Variants in MOCOS observed in about 807,000 individuals in gnomAD.
The protein encoded by MOCOS is human molybdenum cofactor sulfurase.
Under a neutral mutation model 83.6 loss-of-function variants are expected in MOCOS, and 86 were observed. The observed-to-expected ratio is 1.03, with a 90% CI of 0.86 to 1.23. The LOEUF is 1.23. Ranked by LOEUF, MOCOS falls within the 50% of genes most tolerant of loss-of-function variation. The pLI is 0.00. For synonymous variants in MOCOS, 445 were observed against 434.7 expected (o/e 1.02, Z -0.29); for missense variants, 1,120 against 1,126.9 (o/e 0.99, Z 0.09).
chr18:36,212,011 G>T (rs992008457), intron 6 of MOCOS, among the ~76,000 whole-genome samples: 2 of 152,218 alleles, frequency 1.3e-5, no homozygotes, highest in Non-Finnish European at 2.9e-5. Flanking sequence ...CTGCAAGGAT[G>T]CCAAGCCACA....
chr18:36,204,573 C>T (rs1598873647), intron 5 of MOCOS, among the ~76,000 whole-genome samples: 1 of 152,126 alleles, frequency 6.6e-6, no homozygotes, highest in South Asian at 2.1e-4. Context: ...TGGAAAAATT[C>T]TGTTGTTCAG....
chr18:36,224,316 C>T (rs900818983), intron 9 of MOCOS, among the ~76,000 whole-genome samples: 5 of 152,136 alleles, frequency 3.3e-5, no homozygotes, highest in African/African-American at 1.2e-4. Context: ...CTAGAACTTC[C>T]AGTACTATGT....
intron 7 of MOCOS, 136 bp from the exon 8 acceptor site, chr18:36,215,380 C>A: frequency 1.2e-6 from 1 of 834,824 alleles, no homozygotes; most frequent in Non-Finnish European, 2.0e-6. Flanking sequence ...GTCCCAGACG[C>A]ACAGCACATA....
intron 13 of MOCOS, among the ~76,000 whole-genome samples, chr18:36,264,837 T>C (rs1053705652): frequency 1.3e-5 from 2 of 152,074 alleles, no homozygotes; most frequent in African/African-American, 4.8e-5. Flanking sequence ...TTCTGAGGTG[T>C]GATTATTGCT....
intron 9 of MOCOS, among the ~76,000 whole-genome samples, chr18:36,233,724 T>G: frequency 6.6e-6 from 1 of 152,118 alleles, no homozygotes; most frequent in Non-Finnish European, 1.5e-5. Flanking sequence ...TAAATTATGG[T>G]CATTCTTGCA....
At chr18:36,188,651 GA>G (rs2091352318) in intron 1 of MOCOS, among the ~76,000 whole-genome samples, 1 of 152,232 alleles carries the variant, frequency 6.6e-6, no homozygotes, top group South Asian at 2.1e-4. Context: ...TCTGGGGGCA[GA>G]ACAGCAACCA....
chr18:36,256,808 T>C (rs1157357062), intron 11 of MOCOS, 160 bp from the exon 12 acceptor site: 6 of 697,630 alleles, frequency 8.6e-6, no homozygotes, highest in Non-Finnish European at 1.6e-5. Flanking sequence ...TATTGAGAGA[T>C]ATGCACCATG....
intron 7 of MOCOS, 143 bp downstream of exon 7, chr18:36,213,625 C>A: frequency 1.3e-6 from 1 of 774,386 alleles, no homozygotes; most frequent in Non-Finnish European, 2.2e-6. Flanking sequence ...AAAAGGAATA[C>A]AAATGGAAAA....
Position 36,230,780 on chromosome 18 carries a change from T to C in MOCOS, c.1960+10563T>C, listed in dbSNP as rs368275338. On this transcript the variant is annotated intron_variant, in intron 9 of 14. Coordinates refer to ENST00000261326, the MANE Select transcript of MOCOS (RefSeq NM_017947.4). ...GTATGGCACTGCACTGTGGGCCAGGTGTCTGTGGAGACGGTGCTGGAAATC... is the reference window on the plus strand; with the variant it reads ...GTATGGCACTGCACTGTGGGCCAGGCGTCTGTGGAGACGGTGCTGGAAATC... 7.2e-5 allele frequency among the ~76,000 whole-genome samples: 11 copies of C among 152,322 alleles called. No individual in the cohort carries two copies. In the East Asian group the frequency reaches 1.2e-3, roughly 16 times the overall value.
At chr18:36,229,201 T>A (rs1451056839) in intron 9 of MOCOS, among the ~76,000 whole-genome samples, 1 of 152,156 alleles carries the variant, frequency 6.6e-6, no homozygotes, top group Non-Finnish European at 1.5e-5. Context: ...TGTCCTATAG[T>A]TTCCACTTGA....
At chr18:36,214,149 G>C (rs2091466341) in intron 7 of MOCOS, among the ~76,000 whole-genome samples, 1 of 149,158 alleles carries the variant, frequency 6.7e-6, no homozygotes, top group Admixed American at 6.8e-5. Context: ...GCTGAGGCAG[G>C]AGAACTGCTT....
At chr18:36,211,207 T>C (rs1217699297) in intron 6 of MOCOS, among the ~76,000 whole-genome samples, 1 of 152,200 alleles carries the variant, frequency 6.6e-6, no homozygotes, top group Non-Finnish European at 1.5e-5. Flanking sequence ...GGCTGTCTCT[T>C]TTTCATCAGG....
chr18:36,260,565 G>C (rs989882190), intron 13 of MOCOS, among the ~76,000 whole-genome samples: 4 of 152,166 alleles, frequency 2.6e-5, no homozygotes, highest in African/African-American at 9.7e-5. Context: ...GCCTGGCGGT[G>C]CCTCTTTGCC....
At chr18:36,203,932 G>T (rs1469426494) in intron 5 of MOCOS, among the ~76,000 whole-genome samples, 3 of 152,102 alleles carry the variant, frequency 2.0e-5, no homozygotes, top group Non-Finnish European at 2.9e-5. Flanking sequence ...TATTAACAGG[G>T]CCCCCAAACT....
rs570653359 is a variant in MOCOS at position 36,267,996 on chromosome 18, C to T, written c.2515-537C>T. On this transcript the variant is annotated intron_variant, in intron 14 of 14. Transcript: ENST00000261326. ...TCACAAGAACTAACAGATCGGAGAG[C>T]ATGTCAAGTCCTCCAAAGGGTCCTG... Among the ~76,000 whole-genome samples, 103 of 152,302 alleles carry T rather than the reference C, an allele frequency of 6.8e-4. No homozygotes were observed. The Middle Eastern group carries it at 0.01, about 15-fold the overall frequency.
chr18:36,212,674 C>T (rs758810738), intron 6 of MOCOS, among the ~76,000 whole-genome samples: 20 of 152,182 alleles, frequency 1.3e-4, no homozygotes, highest in South Asian at 6.2e-4. Flanking sequence ...TGGGAGGCAT[C>T]GTTGCCCAGC....
intron 2 of MOCOS, among the ~76,000 whole-genome samples, chr18:36,197,316 C>T (rs2091392621): frequency 6.6e-6 from 1 of 152,158 alleles, no homozygotes. Flanking sequence ...ATACTGCATT[C>T]TCTGGAGTTA....
intron 12 of MOCOS, 68 bp from the exon 13 acceptor site, chr18:36,259,969 G>A: frequency 6.3e-7 from 1 of 1,593,514 alleles, no homozygotes; most frequent in African/African-American, 1.3e-5. Context: ...CAGGCATGAT[G>A]AATTATTATA....
chr18:36,220,121 A>G lies in MOCOS; in HGVS notation c.1864A>G (p.Asn622Asp). 1 of 1,614,032 alleles carries G rather than the reference A, an allele frequency of 6.2e-7. No homozygotes were observed. The highest frequency in any genetic ancestry group is 8.5e-7 in the Non-Finnish European group (1 of 1,180,028). ...CCGGAGCTGGATGGTTGTGAATCACAATGGTGTTTGCCTGAGTCAGAAGCA... is the reference window on the plus strand; with the variant it reads ...CCGGAGCTGGATGGTTGTGAATCACGATGGTGTTTGCCTGAGTCAGAAGCA... ...YDRSWMVVNHNGVCLSQKQEP... is the reference protein window; with the variant it reads ...YDRSWMVVNHDGVCLSQKQEP... The change falls in exon 9 of 15, where the codon AAT becomes GAT. Residue 622 changes from asparagine (N) to aspartate (D), a missense_variant. Physicochemically the swap from Asn to Asp is conservative, Grantham distance 23 (BLOSUM62 1). Coordinates refer to ENST00000261326, the MANE Select transcript of MOCOS (RefSeq NM_017947.4).
Sources: allele counts gnomAD v4.1 joint callset (sites outside exome capture counted in the v4.1 genomes callset), GRCh38; gene constraint gnomAD v4.1.1; transcripts MANE v1.5; gene names NCBI Gene and HGNC (gene_info 2026-07-23, HGNC 2026-07-21).